HAAO: variants seen among roughly 807,000 people sequenced by gnomAD.
The protein encoded by HAAO is 3-hydroxyanthranilate oxygenase.
Under a neutral mutation model 46.2 loss-of-function variants are expected in HAAO, and 49 were observed. The ratio of observed to expected loss-of-function variants is 1.06; its 90% confidence interval spans 0.84 to 1.34. The LOEUF is 1.34. Among genes scored for constraint, HAAO ranks in the 40% most tolerant of loss-of-function variants. The pLI, the probability that HAAO is intolerant of heterozygous loss-of-function variation, is 0.00. For synonymous variants in HAAO, 157 were observed against 145.2 expected (o/e 1.08, Z -0.58); for missense variants, 408 against 364.5 (o/e 1.12, Z -0.97).
chr2:42,789,235 C>G (rs1276655090), intron 1 of HAAO: 4 of 153,334 alleles, frequency 2.6e-5, no homozygotes, highest in African/African-American at 9.6e-5. Context: ...TATTTGGAAG[C>G]TCTCAGAATG....
rs140941826 is a variant in HAAO at position 42,788,544 on chromosome 2, G to A, written c.144C>T (p.Ile48=). ...GGPNTRKDYH[I]EEGEEVFYQL... ...TCAAACCTACCTCTTCACCCTCTTCGATGTGATAGTCCTTCCTGGTGTTGG... is the reference window on the plus strand; with the variant it reads ...TCAAACCTACCTCTTCACCCTCTTCAATGTGATAGTCCTTCCTGGTGTTGG... The change falls in exon 2 of 10, where the codon ATC becomes ATT. Residue 48 remains isoleucine, a synonymous_variant. Coordinates refer to ENST00000294973, the MANE Select transcript of HAAO (RefSeq NM_012205.3). 1,168 of 1,604,588 alleles carry A rather than the reference G, an allele frequency of 7.3e-4. 8 individuals are homozygous for A. In the African/African-American group the frequency reaches 0.014, roughly 19 times the overall value.
At chr2:42,772,933 CAAAAAAA>C (rs530541628) in intron 4 of HAAO, among the ~76,000 whole-genome samples, 72 of 92,476 alleles carry the variant, frequency 7.8e-4, no homozygotes, top group African/African-American at 2.3e-3. Flanking sequence ...GCCCCCATAT[CAAAAAAA>C]AAAAAAAAAA....
rs1670922937 is a variant in HAAO, at chr2:42,769,568, AATGTGTGT to A, written c.630+137_630+144del. 4.6e-6 allele frequency: 3 copies of A among 646,324 alleles called. No individual in the cohort carries two copies. The South Asian group carries it at 6.5e-5, about 14-fold the overall frequency. 40.0% of individuals were successfully genotyped at this position (646,324 alleles called of 1,614,324 possible). On this transcript the variant is annotated intron_variant, in intron 7 of 9. Transcript: ENST00000294973. ...CTATGCTCATGTCTACAACCTCTGA[AATGTGTGT>A]GTGTGTGTGTGTGTGTGTGTGTGTG...
chr2:42,773,197 C>G (rs1415666358), intron 4 of HAAO, among the ~76,000 whole-genome samples: 1 of 152,250 alleles, frequency 6.6e-6, no homozygotes, highest in Non-Finnish European at 1.5e-5. Context: ...GCAAGTAACA[C>G]TTTAGCAACT....
chr2:42,775,613 G>GT (rs935965396), intron 4 of HAAO, among the ~76,000 whole-genome samples: 3 of 151,444 alleles, frequency 2.0e-5, no homozygotes, highest in Non-Finnish European at 2.9e-5. Context: ...TTGAGCAAAA[G>GT]TTTTTTTCTT....
rs1487494699 is a variant in HAAO, at chr2:42,770,443, G to A, written c.440+50C>T. On this transcript the variant is annotated intron_variant, in intron 5 of 9. Transcript: ENST00000294973. ...ACTTTCTCCCAGGGCATCAGGTGCT[G>A]ATGCAGAGCCCCAGGAAAGCAAGAG... is the stretch of plus-strand genomic sequence containing the variant. 6.1e-6 allele frequency: 8 copies of A among 1,314,878 alleles called. No individual in the cohort carries two copies. In the South Asian group the frequency reaches 6.8e-5, roughly 11 times the overall value. 81.5% of individuals were successfully genotyped at this position (1,314,878 alleles called of 1,614,324 possible). A position where few individuals can be genotyped will look rare whatever the true frequency, so the allele number is the denominator to read the frequency against.
intron 1 of HAAO, among the ~76,000 whole-genome samples, chr2:42,791,836 T>C (rs1176455944): frequency 1.3e-5 from 2 of 151,994 alleles, no homozygotes; most frequent in Non-Finnish European, 2.9e-5. Flanking sequence ...GAGGTCTGCC[T>C]GAGAAAGATG....
chr2:42,784,440 G>T (rs1238192248), intron 2 of HAAO, among the ~76,000 whole-genome samples: 2 of 150,558 alleles, frequency 1.3e-5, no homozygotes, highest in Non-Finnish European at 3.0e-5. Context: ...GGGTGGGGCT[G>T]TGGAGGTTGC....
rs1283469794 is a variant in HAAO at position 42,767,579 on chromosome 2, C to T, written c.782+16G>A. 6.3e-7 allele frequency: 1 copy of T among 1,581,144 alleles called. No individual in the cohort carries two copies. The highest frequency in any genetic ancestry group is 1.3e-5 in the African/African-American group (1 of 74,498). On this transcript the variant is annotated intron_variant, in intron 9 of 9. Coordinates refer to ENST00000294973, the MANE Select transcript of HAAO (RefSeq NM_012205.3). ...GACCCTGAGGATCCCAGGGAAAGCC[C>T]TCCCTGCGTACTCACGAGGTCCCAG...
chr2:42,792,377 C>G, intron 1 of HAAO, 80 bp downstream of exon 1: 1 of 729,630 alleles, frequency 1.4e-6, no homozygotes, highest in East Asian at 3.0e-5. Context: ...TCCAGGAACT[C>G]GGAGCTGGAA....
intron 4 of HAAO, chr2:42,782,926 C>A (rs146892671): frequency 4.9e-4 from 226 of 460,388 alleles, no homozygotes; most frequent in African/African-American, 3.9e-3. Flanking sequence ...CGACTTTGGG[C>A]ACATGTCATC....
intron 2 of HAAO, 110 bp from the exon 3 acceptor site, chr2:42,783,977 C>T (rs1672209224): frequency 2.0e-6 from 3 of 1,521,966 alleles, no homozygotes; most frequent in Non-Finnish European, 1.8e-6. Context: ...TTCTGAAGGC[C>T]TTGGAGTTGA....
At chr2:42,772,599 A>T (rs1363346624) in intron 4 of HAAO, among the ~76,000 whole-genome samples, 1 of 151,740 alleles carries the variant, frequency 6.6e-6, no homozygotes, top group African/African-American at 2.4e-5. Context: ...TGACAGGACA[A>T]TTTTTTTTGT....
At chr2:42,788,842 C>A (rs1672582338) in intron 1 of HAAO, among the ~76,000 whole-genome samples, 1 of 152,206 alleles carries the variant, frequency 6.6e-6, no homozygotes, top group South Asian at 2.1e-4. Flanking sequence ...TGTGTGTCCC[C>A]CCACATCGTC....
intron 7 of HAAO, among the ~76,000 whole-genome samples, chr2:42,768,874 C>T (rs1251784179): frequency 1.8e-4 from 28 of 152,284 alleles, no homozygotes; most frequent in African/African-American, 2.4e-5. Flanking sequence ...TGTACCCCCA[C>T]CCCCAAGCCC....
rs370559714 is a variant in HAAO at position 42,770,596 on chromosome 2, G to A, written c.351-14C>T. The A allele has an allele frequency of 1.9e-4, 295 of 1,534,586 alleles. 2 individuals carry two copies. The Middle Eastern group carries it at 2.2e-3, about 11-fold the overall frequency. On this transcript the variant is annotated splice_polypyrimidine_tract_variant and intron_variant, in intron 4 of 9. Transcript: ENST00000294973. ...CCCACATAGTACCTGCCAGAGCAGA[G>A]GACAGGCAACCCTGCTGTCCCCATC...
At chr2:42,775,861 C>CTG (rs1467217377) in intron 4 of HAAO, among the ~76,000 whole-genome samples, 2 of 121,444 alleles carry the variant, frequency 1.6e-5, no homozygotes, top group African/African-American at 6.4e-5. Flanking sequence ...TTGTGTTATC[C>CTG]TTTTTTTTTT....
rs1672561742 is a variant in HAAO at position 42,788,584 on chromosome 2, A to G, written c.104T>C (p.Met35Thr). The G allele has an allele frequency of 6.3e-7, 1 of 1,596,748 alleles. No individual in the cohort carries two copies. The highest frequency in any genetic ancestry group is 8.6e-7 in the Non-Finnish European group (1 of 1,164,478). Reference protein sequence around the residue: ...KLMHQEQLKVMFIGGPNTRKD... With the variant: ...KLMHQEQLKVTFIGGPNTRKD... ...CCTGGTGTTGGGGCCTCCGATGAAC[A>G]TGACTTTGAGCTGCTCCTGGTGCCT... The change falls in exon 2 of 10, where the codon ATG becomes ACG. Residue 35 changes from methionine to threonine, a missense_variant. Physicochemically the swap from Met to Thr is moderately conservative, Grantham distance 81. Coordinates refer to ENST00000294973, the MANE Select transcript of HAAO (RefSeq NM_012205.3).
Position 42,792,457 on chromosome 2 carries a change from A to C in HAAO, c.80T>G (p.Met27Arg). 6.3e-7 allele frequency: 1 copy of C among 1,580,792 alleles called. No homozygotes were observed. Among genetic ancestry groups the C allele is most frequent in the Non-Finnish European group, 8.6e-7 (1 of 1,162,580 alleles). Residue 27 changes from methionine to arginine, a missense_variant and splice_region_variant, in exon 1 of 10, where the codon ATG becomes AGG. Coordinates refer to ENST00000294973, the MANE Select transcript of HAAO (RefSeq NM_012205.3). ...GCGGCCATGGGGGTGCTGGACTCACATGAGCTTGTTGCAGACCGGGGGCTG... is the reference window on the plus strand; with the variant it reads ...GCGGCCATGGGGGTGCTGGACTCACCTGAGCTTGTTGCAGACCGGGGGCTG... ...SFQPPVCNKLMHQEQLKVMFI... is the reference protein window; with the variant it reads ...SFQPPVCNKLRHQEQLKVMFI...
Sources: allele counts gnomAD v4.1 joint callset (sites outside exome capture counted in the v4.1 genomes callset), GRCh38; gene constraint gnomAD v4.1.1; transcripts MANE v1.5; gene names NCBI Gene and HGNC (gene_info 2026-07-23, HGNC 2026-07-21).